Variants in EYS observed in about 807,000 individuals in gnomAD.
EYS encodes EGF-like photoreceptor maintenance factor.
In EYS, 250 loss-of-function variants were observed where a neutral mutation model predicts 282.1. The observed-to-expected ratio is 0.89, with a 90% confidence interval of 0.80 to 0.98. The LOEUF (loss-of-function observed/expected upper bound fraction) is 0.98, where lower values mean the gene tolerates loss of function less well. EYS is among the 50% of genes least tolerant of loss of function. EYS has a pLI of 0.00. For missense variants in EYS, 4,016 were observed against 3,709.0 expected, an observed-to-expected ratio of 1.08 and a Z score of -2.15; for synonymous variants, 1,355 against 1,282.9, an observed-to-expected ratio of 1.06 and a Z score of -1.20.
intron 33 of EYS, among the ~76,000 whole-genome samples, chr6:64,018,082 C>T (rs558862204): frequency 7.9e-5 from 12 of 151,940 alleles, no homozygotes; most frequent in Admixed American, 5.9e-4. Context: ...CCTACTTAGT[C>T]CTGAGAAAAG....
At chr6:64,860,894 G>A (rs974780402) in intron 19 of EYS, among the ~76,000 whole-genome samples, 2 of 152,210 alleles carry the variant, frequency 1.3e-5, no homozygotes, top group African/African-American at 4.8e-5. Context: ...GTCCCATCAT[G>A]TCCTGGAGTC....
intron 29 of EYS, among the ~76,000 whole-genome samples, chr6:64,376,553 C>T (rs1380766913): frequency 6.6e-6 from 1 of 152,144 alleles, no homozygotes; most frequent in African/African-American, 2.4e-5. Flanking sequence ...ATGTGAGGGG[C>T]CTGAGCTATT....
At chr6:65,310,316 C>A (rs1450528797) in intron 11 of EYS, among the ~76,000 whole-genome samples, 1 of 152,078 alleles carries the variant, frequency 6.6e-6, no homozygotes, top group Non-Finnish European at 1.5e-5. Flanking sequence ...TGCACTCCAG[C>A]CTGGGTGATG....
At chr6:64,946,016 A>AT (rs1769278467) in intron 14 of EYS, 102 bp from the exon 15 acceptor site, 5 of 967,338 alleles carry the variant, frequency 5.2e-6, no homozygotes, top group East Asian at 2.8e-5. Flanking sequence ...TCAATTTATA[A>AT]TTTTTTTAGT....
chr6:65,491,761 C>T (rs769003310), intron 4 of EYS, among the ~76,000 whole-genome samples: 16 of 152,138 alleles, frequency 1.1e-4, no homozygotes, highest in Admixed American at 2.0e-4. Context: ...CCGCCAAATT[C>T]ATATGTTGAA....
At chr6:64,797,296 C>A (rs938918773) in intron 22 of EYS, among the ~76,000 whole-genome samples, 1 of 151,508 alleles carries the variant, frequency 6.6e-6, no homozygotes, top group Non-Finnish European at 1.5e-5. Flanking sequence ...TAAGGCACAG[C>A]AGGGATTGAC....
At chr6:65,689,355 C>T (rs951001072) in intron 1 of EYS, among the ~76,000 whole-genome samples, 16 of 149,318 alleles carry the variant, frequency 1.1e-4, no homozygotes, top group African/African-American at 3.4e-4. Flanking sequence ...AGGGGAACAT[C>T]ACACACTGGG....
chr6:65,650,391 A>G (rs988223869), intron 1 of EYS, among the ~76,000 whole-genome samples: 15 of 152,152 alleles, frequency 9.9e-5, no homozygotes, highest in Non-Finnish European at 1.9e-4. Context: ...GCTTGAAGAG[A>G]TTAACACTAT....
In EYS at chr6:65,384,424, TCAGA is replaced by T. The variant is rs771649743; in HGVS notation, c.1257_1260del (p.Cys419Ter). On this transcript the variant is annotated frameshift_variant, in exon 8 of 43. Coordinates refer to ENST00000503581, the MANE Select transcript of EYS (RefSeq NM_001142800.2). LOFTEE classifies it high-confidence loss of function. The stretch of plus-strand genomic sequence containing the variant: ...ATTATATTGAAACACCATTCTTCAT[TCAGA>T]CAGTTGATGCTGAGCAGTTTACAGT... The T allele has an allele frequency of 6.2e-7, 1 of 1,609,272 alleles. No homozygotes were observed. Among genetic ancestry groups the T allele is most frequent in the South Asian group, 1.1e-5 (1 of 91,008 alleles).
intron 22 of EYS, among the ~76,000 whole-genome samples, chr6:64,658,109 C>A (rs957748140): frequency 2.2e-4 from 34 of 152,148 alleles, no homozygotes; most frequent in Non-Finnish European, 4.1e-4. Context: ...TTCATTTGAT[C>A]TTCCATCACT....
intron 29 of EYS, among the ~76,000 whole-genome samples, chr6:64,350,552 G>A (rs1771588873): frequency 6.6e-6 from 1 of 151,482 alleles, no homozygotes; most frequent in South Asian, 2.1e-4. Context: ...ACTCTCCTCT[G>A]GCATGTCACA....
chr6:64,550,403 T>C (rs1436295273), intron 26 of EYS, among the ~76,000 whole-genome samples: 2 of 152,228 alleles, frequency 1.3e-5, no homozygotes, highest in Admixed American at 1.3e-4. Context: ...CACCTGTTGT[T>C]TCCTGACTTT....
chr6:64,889,900 C>T (rs1471842867), intron 18 of EYS, among the ~76,000 whole-genome samples: 2 of 152,050 alleles, frequency 1.3e-5, no homozygotes, highest in Non-Finnish European at 2.9e-5. Context: ...TAACCTTAAA[C>T]TCTGACCGCC....
At chr6:64,009,949 G>A (rs1342228292) in intron 33 of EYS, among the ~76,000 whole-genome samples, 1 of 151,760 alleles carries the variant, frequency 6.6e-6, no homozygotes, top group African/African-American at 2.4e-5. Context: ...TTTCCTTGGG[G>A]GTTTGATTGT....
chr6:64,881,937 G>A (rs892345653), intron 19 of EYS, among the ~76,000 whole-genome samples: 4 of 151,826 alleles, frequency 2.6e-5, no homozygotes, highest in African/African-American at 7.2e-5. Flanking sequence ...TACTATTAAT[G>A]TTTGTAATTC....
chr6:65,049,325 C>G (rs1211675510), intron 13 of EYS, among the ~76,000 whole-genome samples: 1 of 151,702 alleles, frequency 6.6e-6, no homozygotes, highest in Non-Finnish European at 1.5e-5. Flanking sequence ...TTTGAATTCC[C>G]ACAGGTTCTT....
intron 13 of EYS, among the ~76,000 whole-genome samples, chr6:65,047,141 T>G (rs1269269621): frequency 6.6e-6 from 1 of 151,806 alleles, no homozygotes; most frequent in Admixed American, 6.6e-5. Context: ...TAATTCTTTA[T>G]AGCATTTTGA....
intron 36 of EYS, among the ~76,000 whole-genome samples, chr6:63,828,122 C>T (rs979783737): frequency 2.0e-5 from 3 of 152,082 alleles, no homozygotes; most frequent in Non-Finnish European, 4.4e-5. Context: ...GCCCTAAACA[C>T]CTACATCAAA....
At position 64,532,862 on chromosome 6, in the gene EYS, A is replaced by G. The variant is rs150749765; in HGVS notation, c.5644+57361T>C. On this transcript the variant is annotated intron_variant, in intron 26 of 42. Coordinates refer to ENST00000503581, the MANE Select transcript of EYS (RefSeq NM_001142800.2). ...CAATAAAATATGACCCATGGTCTAA[A>G]GAAGAAACAGTCAGTTGGAGCAACC... Among the ~76,000 whole-genome samples, 555 of 152,312 alleles carry G rather than the reference A, an allele frequency of 3.6e-3. 5 individuals carry two copies. Among genetic ancestry groups the G allele is most frequent in the African/African-American group, 0.013 (522 of 41,570 alleles).
Sources: gnomAD v4.1 joint callset for allele counts (sites outside exome capture counted in the v4.1 genomes callset) on GRCh38, gnomAD v4.1.1 for gene constraint, MANE v1.5 for transcripts, NCBI Gene and HGNC (gene_info 2026-07-23, HGNC 2026-07-21) for gene names.